ACTL8: variants seen among roughly 807,000 people sequenced by gnomAD.
The protein encoded by ACTL8 is actin like 8, also known as actin-like protein 8.
A neutral mutation model predicts 9.3 loss-of-function variants in ACTL8; 3 were observed. That is an observed-to-expected ratio of 0.32 (90% CI 0.15 to 0.83). The LOEUF is 0.83. Among genes scored for constraint, ACTL8 ranks in the 40% least tolerant of loss-of-function variants. The pLI is 0.57. For synonymous variants in ACTL8, 224 were observed against 205.9 expected, an observed-to-expected ratio of 1.09 and a Z score of -0.75; for missense variants, 381 against 492.2, an observed-to-expected ratio of 0.77 and a Z score of 2.14.
chr1:17,818,727 A>G (rs184557681), intron 1 of ACTL8, among the ~76,000 whole-genome samples: 3 of 152,204 alleles, frequency 2.0e-5, no homozygotes, highest in Admixed American at 6.5e-5. Context: ...TTAAAATGGC[A>G]TTGTGCCTCT....
intron 2 of ACTL8, among the ~76,000 whole-genome samples, chr1:17,824,326 A>T (rs894910751): frequency 1.3e-5 from 2 of 152,220 alleles, no homozygotes; most frequent in Non-Finnish European, 2.9e-5. Context: ...ATAGAAAGAG[A>T]GAGGAAAGAA....
At position 17,763,399 on chromosome 1, in the gene ACTL8, G is replaced by A. The variant is rs549822811; in HGVS notation, c.-25+7895G>A. On this transcript the variant is annotated intron_variant, in intron 1 of 2. Transcript: ENST00000375406. The stretch of plus-strand genomic sequence containing the variant: ...GGTGTGGTCTTTAGAAAGCCTCCCC[G>A]GAGGTGCTGGCATCCCTGGTTCCCT... Among the ~76,000 whole-genome samples the A allele has an allele frequency of 6.6e-5, 10 of 152,184 alleles. No homozygotes were observed. In the South Asian group the frequency reaches 1.5e-3, roughly 22 times the overall value.
At chr1:17,820,971 AATTTC>A (rs1039691878) in intron 1 of ACTL8, among the ~76,000 whole-genome samples, 2 of 152,148 alleles carry the variant, frequency 1.3e-5, no homozygotes, top group African/African-American at 2.4e-5. Context: ...GGTGGGCCTT[AATTTC>A]GGTCATTCTA....
At chr1:17,814,394 C>T (rs1388437479) in intron 1 of ACTL8, among the ~76,000 whole-genome samples, 2 of 152,166 alleles carry the variant, frequency 1.3e-5, no homozygotes, top group Non-Finnish European at 2.9e-5. Flanking sequence ...AGTACAATAA[C>T]ATGCCATACC....
intron 1 of ACTL8, among the ~76,000 whole-genome samples, chr1:17,817,164 G>T (rs1422746481): frequency 2.0e-5 from 3 of 151,016 alleles, no homozygotes; most frequent in African/African-American, 7.3e-5. Flanking sequence ...AGCATCAGAA[G>T]CCTGTGGTAA....
intron 1 of ACTL8, 37 bp downstream of exon 1, chr1:17,755,541 T>C (rs2065960893): frequency 6.6e-6 from 1 of 151,836 alleles, no homozygotes; most frequent in African/African-American, 2.4e-5. Context: ...CTTTGGCTGG[T>C]TGTGGCCCCT....
intron 1 of ACTL8, among the ~76,000 whole-genome samples, chr1:17,788,968 C>T (rs184076092): frequency 7.9e-5 from 12 of 152,158 alleles, no homozygotes; most frequent in East Asian, 5.8e-4. Context: ...GAGGTATACA[C>T]GAATTTGCAG....
chr1:17,820,037 T>C (rs1258830349), intron 1 of ACTL8, among the ~76,000 whole-genome samples: 2 of 152,174 alleles, frequency 1.3e-5, no homozygotes, highest in East Asian at 3.9e-4. Context: ...TTACTAAAAG[T>C]TTACTCTAAA....
chr1:17,793,667 C>CA (rs1344640673), intron 1 of ACTL8, among the ~76,000 whole-genome samples: 1 of 152,148 alleles, frequency 6.6e-6, no homozygotes, highest in Non-Finnish European at 1.5e-5. Flanking sequence ...ATTGGACAGG[C>CA]AGGTTGCAGA....
chr1:17,774,205 G>A (rs1239595247), intron 1 of ACTL8, among the ~76,000 whole-genome samples: 1 of 152,178 alleles, frequency 6.6e-6, no homozygotes, highest in Non-Finnish European at 1.5e-5. Flanking sequence ...TACTTTCTGT[G>A]ACCGAGGACT....
chr1:17,767,847 G>C lies in ACTL8; in HGVS notation c.-25+12343G>C, dbSNP rs376596246. Among the ~76,000 whole-genome samples the C allele has an allele frequency of 1.6e-4, 24 of 152,214 alleles. 1 individual carries two copies. The East Asian group carries it at 3.7e-3, about 23-fold the overall frequency. On this transcript the variant is annotated intron_variant, in intron 1 of 2. Transcript: ENST00000375406. This position sits in a 1 kb window ranked among gnomAD's most constrained non-coding sequence, Gnocchi z 4.7. ...GCTGACACGGGAGGAATGACACTGCGTTACTCAAGCAGGTGGCAGTGTGGC... is the reference window on the plus strand; with the variant it reads ...GCTGACACGGGAGGAATGACACTGCCTTACTCAAGCAGGTGGCAGTGTGGC...
intron 1 of ACTL8, among the ~76,000 whole-genome samples, chr1:17,806,410 CCT>C (rs1227831223): frequency 1.3e-5 from 2 of 152,192 alleles, no homozygotes; most frequent in African/African-American, 2.4e-5. Context: ...TGGTACTCCC[CCT>C]GTTTCTCAGT....
chr1:17,788,372 C>A (rs1299754579), intron 1 of ACTL8, among the ~76,000 whole-genome samples: 1 of 152,142 alleles, frequency 6.6e-6, no homozygotes, highest in African/African-American at 2.4e-5. Context: ...GGACTGGGGC[C>A]GGGAGTCAAG....
At chr1:17,787,369 A>G (rs557882550) in intron 1 of ACTL8, among the ~76,000 whole-genome samples, 4 of 152,120 alleles carry the variant, frequency 2.6e-5, no homozygotes, top group South Asian at 2.1e-4. Flanking sequence ...GGCTCAAGCA[A>G]TTCTCATGCT....
chr1:17,808,539 T>G (rs918041597), intron 1 of ACTL8, among the ~76,000 whole-genome samples: 1 of 152,226 alleles, frequency 6.6e-6, no homozygotes, highest in African/African-American at 2.4e-5. Context: ...GTCACTTCTC[T>G]AAGCCTCATT....
chr1:17,769,583 A>G (rs924450834), intron 1 of ACTL8, among the ~76,000 whole-genome samples: 1 of 152,096 alleles, frequency 6.6e-6, no homozygotes, highest in African/African-American at 2.4e-5. Flanking sequence ...CCACCAGTAA[A>G]AAGGGGGTGG....
chr1:17,813,880 A>G (rs1288187295), intron 1 of ACTL8, among the ~76,000 whole-genome samples: 2 of 152,184 alleles, frequency 1.3e-5, no homozygotes, highest in Non-Finnish European at 2.9e-5. Flanking sequence ...TTTTACCTAA[A>G]TTGTCAAAGT....
rs181451957 is a variant in ACTL8, at chr1:17,757,512, A to G, written c.-25+2008A>G. Among the ~76,000 whole-genome samples, 26 of 134,294 alleles carry G rather than the reference A, an allele frequency of 1.9e-4. 1 individual carries two copies. The highest frequency in any genetic ancestry group is 6.3e-4 in the African/African-American group (23 of 36,418). 88.1% of individuals were successfully genotyped at this position (134,294 alleles called of 152,430 possible). A position where few individuals can be genotyped will look rare whatever the true frequency, so the allele number is the denominator to read the frequency against. ...CCCCACCCCAACTTATCAAGTGGAA[A>G]TACCTTTCCCTCCGCAGTGCTGGAG... On this transcript the variant is annotated intron_variant, in intron 1 of 2. Coordinates refer to ENST00000375406, the MANE Select transcript of ACTL8 (RefSeq NM_030812.3).
intron 1 of ACTL8, among the ~76,000 whole-genome samples, chr1:17,797,880 A>G (rs987897547): frequency 5.3e-5 from 8 of 152,282 alleles, no homozygotes; most frequent in Middle Eastern, 3.4e-3. Flanking sequence ...TGTTCCTGGC[A>G]GGGGCTGGGT....
Sources: allele counts gnomAD v4.1 joint callset (sites outside exome capture counted in the v4.1 genomes callset), GRCh38; gene constraint gnomAD v4.1.1; non-coding constraint Gnocchi (gnomAD v3.1); transcripts MANE v1.5; gene names NCBI Gene and HGNC (gene_info 2026-07-23, HGNC 2026-07-21).